TMEM63C: variants seen among roughly 807,000 people sequenced by gnomAD.
The protein encoded by TMEM63C is osmosensitive cation channel TMEM63C.
Under a neutral mutation model 99.2 loss-of-function variants are expected in TMEM63C, and 32 were observed. The observed-to-expected ratio is 0.32, with a 90% confidence interval of 0.24 to 0.43. The LOEUF (loss-of-function observed/expected upper bound fraction) is 0.43, where lower values mean the gene tolerates loss of function less well. Ranked by LOEUF, TMEM63C falls within the 20% of genes least tolerant of loss-of-function variation. The pLI, the probability that TMEM63C is intolerant of heterozygous loss-of-function variation, is 1.00. For missense variants in TMEM63C, 826 were observed against 1,053.0 expected (o/e 0.78, Z 2.98); for synonymous variants, 376 against 397.9 (o/e 0.94, Z 0.66).
intron 1 of TMEM63C, among the ~76,000 whole-genome samples, chr14:77,203,959 CCTT>C (rs1888352117): frequency 6.6e-6 from 1 of 152,254 alleles, no homozygotes; most frequent in Non-Finnish European, 1.5e-5. Context: ...TGCTTCACCT[CCTT>C]CTCCTCCTTC....
At chr14:77,216,847 C>T (rs2140107106) in intron 2 of TMEM63C, among the ~76,000 whole-genome samples, 1 of 152,274 alleles carries the variant, frequency 6.6e-6, no homozygotes, top group East Asian at 1.9e-4. Context: ...TCCACTTGTT[C>T]ACCCCTCCTG....
intron 21 of TMEM63C, 116 bp from the exon 22 acceptor site, chr14:77,251,673 G>T: frequency 1.3e-6 from 1 of 753,862 alleles, no homozygotes; most frequent in Non-Finnish European, 2.3e-6. Flanking sequence ...TATCAGAGGA[G>T]GACTGGCAAG....
chr14:77,225,409 C>T lies in TMEM63C; in HGVS notation c.313-15C>T, dbSNP rs1018012803. On this transcript the variant is annotated splice_polypyrimidine_tract_variant and intron_variant, in intron 5 of 23. Coordinates refer to ENST00000298351, the MANE Select transcript of TMEM63C (RefSeq NM_020431.4). ...GGACCTGGGTTTTCTCACAGTTTCT[C>T]TCCTTTCCCCGCAGGGATTCTGTTC... 7.4e-6 allele frequency: 12 copies of T among 1,612,478 alleles called. No individual in the cohort carries two copies. Among genetic ancestry groups the T allele is most frequent in the Non-Finnish European group, 1.0e-5 (12 of 1,179,400 alleles).
intron 5 of TMEM63C, among the ~76,000 whole-genome samples, chr14:77,220,570 G>A (rs890126589): frequency 3.3e-5 from 5 of 152,062 alleles, no homozygotes; most frequent in Non-Finnish European, 5.9e-5. Context: ...CCCTCCACCC[G>A]ACTCATGCAT....
Position 77,191,538 on chromosome 14 carries a change from C to CTTTTTTTTTTTTT in TMEM63C, c.-77+9655_-77+9667dup, listed in dbSNP as rs71125542. ...TTTCTTTCTTTTCTTTTTTCTTTTT[C>CTTTTTTTTTTTTT]TTTTTTTTTTTTTTTTTTTTTTTGA... is the stretch of plus-strand genomic sequence containing the variant. On this transcript the variant is annotated intron_variant, in intron 1 of 23. Transcript: ENST00000298351. Among the ~76,000 whole-genome samples the CTTTTTTTTTTTTT allele has an allele frequency of 1.5e-3, 128 of 82,606 alleles. 1 individual carries two copies. Among genetic ancestry groups the CTTTTTTTTTTTTT allele is most frequent in the Middle Eastern group, 0.026 (2 of 78 alleles). 54.2% of individuals were successfully genotyped at this position (82,606 alleles called of 152,430 possible). A position where few individuals can be genotyped will look rare whatever the true frequency, so the allele number is the denominator to read the frequency against.
At chr14:77,231,799 G>C (rs1888948448) in intron 7 of TMEM63C, 69 bp downstream of exon 7, 39 of 1,528,144 alleles carry the variant, frequency 2.6e-5, no homozygotes, top group Non-Finnish European at 3.4e-5. Flanking sequence ...GCCAGTCAGG[G>C]CTGGGGTTGA....
chr14:77,234,638 A>T (rs1889004818), intron 8 of TMEM63C, among the ~76,000 whole-genome samples: 3 of 152,208 alleles, frequency 2.0e-5, no homozygotes, highest in Admixed American at 6.5e-5. Context: ...GGTGCCAGGC[A>T]CCAGGGGTAT....
At chr14:77,233,531 T>C in intron 8 of TMEM63C, 31 bp downstream of exon 8, 1 of 1,610,868 alleles carries the variant, frequency 6.2e-7, no homozygotes, top group African/African-American at 1.3e-5. Context: ...TCCCATTCCA[T>C]TGGCTGGGGG....
intron 6 of TMEM63C, among the ~76,000 whole-genome samples, chr14:77,226,407 C>T (rs1057279494): frequency 1.3e-5 from 2 of 152,202 alleles, no homozygotes; most frequent in South Asian, 2.1e-4. Context: ...AGTCAAGTAG[C>T]GTCCCCGTGC....
chr14:77,219,447 G>T, intron 3 of TMEM63C, 51 bp from the exon 4 acceptor site: 1 of 1,599,262 alleles, frequency 6.3e-7, no homozygotes, highest in Non-Finnish European at 8.6e-7. Context: ...CCAGCCAAGG[G>T]GAAGGGATCC....
At chr14:77,240,931 CTTTTTTTT>C (rs575279817) in intron 13 of TMEM63C, among the ~76,000 whole-genome samples, 1 of 128,482 alleles carries the variant, frequency 7.8e-6, no homozygotes, top group Non-Finnish European at 1.6e-5. Flanking sequence ...TTCCCTTTTT[CTTTTTTTT>C]TTTTTTTCTT....
intron 1 of TMEM63C, among the ~76,000 whole-genome samples, chr14:77,188,439 T>C (rs1030353542): frequency 2.6e-5 from 4 of 152,260 alleles, no homozygotes; most frequent in Non-Finnish European, 4.4e-5. Context: ...CTGGCAAGAA[T>C]GCTAGTAAAG....
At chr14:77,205,620 C>T (rs1888383670) in intron 1 of TMEM63C, among the ~76,000 whole-genome samples, 1 of 152,178 alleles carries the variant, frequency 6.6e-6, no homozygotes. Flanking sequence ...GATCAAGGTC[C>T]TCCACAGAGG....
rs377548256 is a variant in TMEM63C at position 77,239,437 on chromosome 14, A to G, written c.751A>G (p.Thr251Ala). 1.2e-5 allele frequency: 19 copies of G among 1,613,528 alleles called. No homozygotes were observed. Among genetic ancestry groups the G allele is most frequent in the Non-Finnish European group, 1.4e-5 (17 of 1,179,884 alleles). ...CGAGGCCTATCCAGGCAGTGTCGTGACAAGAGTCCACTTCTGCTACGACGT... is the reference window on the plus strand; with the variant it reads ...CGAGGCCTATCCAGGCAGTGTCGTGGCAAGAGTCCACTTCTGCTACGACGT... Reference protein sequence around the residue: ...FHEAYPGSVVTRVHFCYDVRN... With the variant: ...FHEAYPGSVVARVHFCYDVRN... The change falls in exon 11 of 24, where the codon ACA (threonine) becomes GCA (alanine). Residue 251 changes from threonine (T) to alanine (A), a missense_variant. By Grantham distance (58) the Thr-to-Ala change is moderately conservative. Transcript: ENST00000298351.
intron 5 of TMEM63C, 73 bp from the exon 6 acceptor site, chr14:77,225,351 G>C (rs527433654): frequency 8.7e-6 from 13 of 1,497,738 alleles, no homozygotes; most frequent in Non-Finnish European, 1.1e-5. Flanking sequence ...TGACCTGGCC[G>C]CCTGGGTTCC....
chr14:77,198,707 G>A (rs1412760305), intron 1 of TMEM63C, among the ~76,000 whole-genome samples: 3 of 152,020 alleles, frequency 2.0e-5, no homozygotes, highest in Non-Finnish European at 4.4e-5. Flanking sequence ...GTGGTTTTTG[G>A]CAGGAGCAGG....
intron 18 of TMEM63C, among the ~76,000 whole-genome samples, chr14:77,247,271 G>A (rs1889283423): frequency 1.3e-5 from 2 of 152,066 alleles, no homozygotes; most frequent in Admixed American, 1.3e-4. Flanking sequence ...CGCAATCTCG[G>A]CTCACTACAA....
intron 3 of TMEM63C, 62 bp from the exon 4 acceptor site, chr14:77,219,436 G>A (rs1223358883): frequency 1.9e-6 from 3 of 1,571,790 alleles, no homozygotes; most frequent in African/African-American, 1.3e-5. Context: ...AATGCAGGGG[G>A]CCAGCCAAGG....
Position 77,194,336 on chromosome 14 carries a change from ATG to A in TMEM63C, c.-77+12488_-77+12489del, listed in dbSNP as rs36201483. Among the ~76,000 whole-genome samples the A allele has an allele frequency of 1.0e-3, 89 of 87,608 alleles. 1 individual carries two copies. Among genetic ancestry groups the A allele is most frequent in the African/African-American group, 4.6e-3 (79 of 17,012 alleles). 57.5% of individuals were successfully genotyped at this position (87,608 alleles called of 152,430 possible). On this transcript the variant is annotated intron_variant, in intron 1 of 23. Coordinates refer to ENST00000298351, the MANE Select transcript of TMEM63C (RefSeq NM_020431.4). ...AAGATGCAGGCATAGATATATATATATGTGTGTGTGTGTGTGTGTGTGTGTGT... is the reference window on the plus strand; with the variant it reads ...AAGATGCAGGCATAGATATATATATATGTGTGTGTGTGTGTGTGTGTGTGT...
Sources: gnomAD v4.1 joint callset for allele counts (sites outside exome capture counted in the v4.1 genomes callset) on GRCh38, gnomAD v4.1.1 for gene constraint, MANE v1.5 for transcripts, NCBI Gene and HGNC (gene_info 2026-07-23, HGNC 2026-07-21) for gene names.